TTN: variants seen among roughly 807,000 people sequenced by gnomAD.
TTN encodes titin, also known as connectin.
Under a neutral mutation model 3,223.0 loss-of-function variants are expected in TTN, and 1,525 were observed. That is an observed-to-expected ratio of 0.47 (90% CI 0.45 to 0.49). The LOEUF (loss-of-function observed/expected upper bound fraction) is 0.49. Ranked by LOEUF, TTN falls within the 20% of genes least tolerant of loss-of-function variation. The pLI is 0.00. For synonymous variants in TTN, 14,094 were observed against 15,161.0 expected (o/e 0.93, Z 5.17); for missense variants, 40,786 against 43,424.0 (o/e 0.94, Z 5.40).
chr2:178,751,195 T>G lies in TTN; in HGVS notation c.11311+1929A>C, dbSNP rs1378473115. The G allele has an allele frequency of 6.2e-6, 10 of 1,610,626 alleles. No homozygotes were observed. The South Asian group carries it at 6.6e-5, about 11-fold the overall frequency. On this transcript the variant is annotated intron_variant, in intron 47 of 362. Transcript: ENST00000589042. Reference sequence around the variant, plus strand: ...AGAACAGAATATCTTTATCACTAGCTTCACTTCTCAAAGTTCTTGAGCTTA... The same window carrying G: ...AGAACAGAATATCTTTATCACTAGCGTCACTTCTCAAAGTTCTTGAGCTTA...
In TTN at chr2:178,625,396, C is replaced by T. The variant is rs775225695; in HGVS notation, c.44425G>A (p.Val14809Met). Reference sequence around the variant, plus strand: ...ACTTTTCCTTCTGAACGTGGGACCACCTAGTTGTTTTTAAAAAAAGAATAC... The same window carrying T: ...ACTTTTCCTTCTGAACGTGGGACCATCTAGTTGTTTTTAAAAAAAGAATAC... ...KGKKLEPSDK[V>M]VPRSEGKVHT... The change falls in exon 241 of 363, where the codon GTG becomes ATG. Residue 14809 changes from valine to methionine, a missense_variant and splice_region_variant. Coordinates refer to ENST00000589042, the MANE Select transcript of TTN (RefSeq NM_001267550.2). 10 of 1,546,820 alleles carry T rather than the reference C, an allele frequency of 6.5e-6. No homozygotes were observed. Among genetic ancestry groups the T allele is most frequent in the Non-Finnish European group, 6.9e-6 (8 of 1,155,318 alleles).
At position 178,608,319 on chromosome 2, in the gene TTN, T is replaced by C; in HGVS notation, c.52564A>G (p.Ser17522Gly). The C allele has an allele frequency of 6.2e-7, 1 of 1,612,476 alleles. No individual in the cohort carries two copies. Among genetic ancestry groups the C allele is most frequent in the East Asian group, 2.2e-5 (1 of 44,564 alleles). Residue 17522 changes from serine to glycine, a missense_variant, in exon 275 of 363, where the codon AGC becomes GGC. Physicochemically the swap from Ser to Gly is moderately conservative, Grantham distance 56. Coordinates refer to ENST00000589042, the MANE Select transcript of TTN (RefSeq NM_001267550.2). ...TTGGCTTTCAAGGCATTCAGAAGGCTTTTGTTGACACGAGACCAATGTGTA... is the reference window on the plus strand; with the variant it reads ...TTGGCTTTCAAGGCATTCAGAAGGCCTTTGTTGACACGAGACCAATGTGTA... ...NSTHWSRVNK[S>G]LLNALKANVD...
At chr2:178,541,015 T>C in intron 350 of TTN, 1 of 306,740 alleles carries the variant, frequency 3.3e-6, no homozygotes, top group Admixed American at 4.7e-5. Flanking sequence ...ATGAATCTCA[T>C]CTTAAAGAAG....
In TTN at chr2:178,633,634, G is replaced by C. The variant is rs769564228; in HGVS notation, c.42725C>G (p.Ala14242Gly). 5 of 1,612,814 alleles carry C rather than the reference G, an allele frequency of 3.1e-6. No individual in the cohort carries two copies. The highest frequency in any genetic ancestry group is 4.2e-6 in the Non-Finnish European group (5 of 1,179,498). The change falls in exon 232 of 363, where the codon GCA becomes GGA. Residue 14242 changes from alanine (A) to glycine (G), a missense_variant. Transcript: ENST00000589042. Reference protein sequence around the residue: ...YFTVKLHDKTAVEKDEITLKC... With the variant: ...YFTVKLHDKTGVEKDEITLKC... ...CAAAGTAATCTCATCCTTCTCCACT[G>C]CAGTTTTGTCATGTAATTTCACAGT...
chr2:178,632,070 A>C, intron 236 of TTN, 77 bp downstream of exon 236: 1 of 1,423,406 alleles, frequency 7.0e-7, no homozygotes, highest in African/African-American at 1.4e-5. Context: ...CACTTAGAAG[A>C]CTATTTTATA....
rs543686186 is a variant in TTN at position 178,587,902 on chromosome 2, G to C, written c.63505C>G (p.Leu21169Val). 3.1e-6 allele frequency: 5 copies of C among 1,588,946 alleles called. No individual in the cohort carries two copies. Among genetic ancestry groups the C allele is most frequent in the Non-Finnish European group, 3.4e-6 (4 of 1,165,338 alleles). The change falls in exon 305 of 363, where the codon CTA becomes GTA. Residue 21169 changes from leucine to valine, a missense_variant. Coordinates refer to ENST00000589042, the MANE Select transcript of TTN (RefSeq NM_001267550.2). ...ACATGCTAAGGGAAGGACTTACCTA[G>C]TATTTCTTTAGGTTTGATAGCTTCC... is the stretch of plus-strand genomic sequence containing the variant. The part of the protein sequence containing the change: ...LKEAIKPKEI[L>V]EPPEIDLDAS...
At chr2:178,694,726 C>T in intron 116 of TTN, 50 bp from the exon 117 acceptor site, 1 of 1,511,648 alleles carries the variant, frequency 6.6e-7, no homozygotes, top group Non-Finnish European at 8.9e-7. Context: ...TATTGCTTTG[C>T]ACAAAATTTA....
chr2:178,559,177 G>C, intron 326 of TTN, 134 bp downstream of exon 326: 2 of 762,194 alleles, frequency 2.6e-6, no homozygotes, highest in Non-Finnish European at 4.1e-6. Context: ...TTGTGCCATA[G>C]TATGAATAGT....
chr2:178,717,867 T>C (rs2077732336), intron 86 of TTN, 57 bp from the exon 87 acceptor site: 2 of 1,573,736 alleles, frequency 1.3e-6, no homozygotes, highest in African/African-American at 1.4e-5. Flanking sequence ...CCACAACATA[T>C]TTCAATTCAT....
In TTN at chr2:178,702,223, C is replaced by G. The variant is rs764333790; in HGVS notation, c.30456G>C (p.Arg10152=). Residue 10152 remains arginine (R), a synonymous_variant, in exon 108 of 363, where the codon CGG becomes CGC. Transcript: ENST00000589042. ...TTCTTGCTTCACCTCTTGGCTCCAGCCGAGCGATGACCGAGTAGACACCTA... is the reference window on the plus strand; with the variant it reads ...TTCTTGCTTCACCTCTTGGCTCCAGGCGAGCGATGACCGAGTAGACACCTA... ...DDEGVYSVIA[R]LEPRGEARST... The G allele has an allele frequency of 1.9e-6, 3 of 1,613,816 alleles. 1 individual carries two copies. The highest frequency in any genetic ancestry group is 2.5e-6 in the Non-Finnish European group (3 of 1,179,902).
intron 263 of TTN, among the ~76,000 whole-genome samples, chr2:178,613,520 A>G (rs1191868547): frequency 6.6e-6 from 1 of 151,970 alleles, no homozygotes; most frequent in Non-Finnish European, 1.5e-5. Flanking sequence ...ATACTGGGGG[A>G]TCAAACACTT....
chr2:178,716,200 A>C (rs2077460175), intron 88 of TTN, among the ~76,000 whole-genome samples: 2 of 152,162 alleles, frequency 1.3e-5, no homozygotes, highest in South Asian at 4.1e-4. Context: ...GTTACATAGC[A>C]TGAAGAGCCG....
chr2:178,805,343 C>CAAA (rs34870064), intron 1 of TTN, among the ~76,000 whole-genome samples: 4 of 89,790 alleles, frequency 4.5e-5, no homozygotes, highest in South Asian at 3.8e-4. Context: ...GACTCTGTCT[C>CAAA]AAAAAAAAAA....
rs181679744 is a variant in TTN, at chr2:178,532,251, G to A, written c.104364C>T (p.Ser34788=). The stretch of plus-strand genomic sequence containing the variant: ...CCTCCTTTGACATGAAGTCAAGTTC[G>A]CTTTTGTATTCTGAGAGATGCTGGG... ...TTTQHLSEYK[S]ELDFMSKEEK... The change falls in exon 358 of 363, where the codon AGC becomes AGT. Residue 34788 remains serine (S), a synonymous_variant. Coordinates refer to ENST00000589042, the MANE Select transcript of TTN (RefSeq NM_001267550.2). 156 of 1,613,588 alleles carry A rather than the reference G, an allele frequency of 9.7e-5. No homozygotes were observed. Among genetic ancestry groups the A allele is most frequent in the Non-Finnish European group, 1.2e-4 (142 of 1,179,864 alleles).
intron 47 of TTN, chr2:178,744,894 G>T (rs998618167): frequency 5.1e-6 from 5 of 985,022 alleles, no homozygotes; most frequent in Admixed American, 1.2e-4. Context: ...ATGTCTAGGT[G>T]AACCCTGCCC....
At chr2:178,750,185 G>T (rs2085015080) in intron 47 of TTN, 1 of 1,613,200 alleles carries the variant, frequency 6.2e-7, no homozygotes, top group East Asian at 2.2e-5. Context: ...TTGACTCATA[G>T]ATGGATGGGC....
rs561557554 is a variant in TTN, at chr2:178,730,979, C to G, written c.17686G>C (p.Glu5896Gln). The stretch of plus-strand genomic sequence containing the variant: ...CTCCTCCCAACATCATTTTGGACCT[C>G]GAAAGTATATTCTCCACTATCTTTC... ...EKKDSGEYTF[E>Q]VQNDVGRSSC... Residue 5896 changes from glutamate (E) to glutamine (Q), a missense_variant, in exon 60 of 363, where the codon GAG (glutamate) becomes CAG (glutamine). Transcript: ENST00000589042. 2.5e-6 allele frequency: 4 copies of G among 1,612,568 alleles called. No individual in the cohort carries two copies. Among genetic ancestry groups the G allele is most frequent in the Non-Finnish European group, 3.4e-6 (4 of 1,179,106 alleles).
At position 178,618,265 on chromosome 2, in the gene TTN, AC is replaced by A; in HGVS notation, c.47192del (p.Arg15731LeufsTer2). On this transcript the variant is annotated frameshift_variant, in exon 252 of 363. Transcript: ENST00000589042. LOFTEE classifies it high-confidence loss of function. ...TGCCAACTCTGTTTCTTGCACTCAC[AC>A]GGAATAGGTACTCAACTCCTCCTTT... Reference protein sequence around the residue: ...LQKGGVEYLFRVSARNRVGTG... With the variant: ...LQKGGVEYLFXVSARNRVGTG... 1.2e-6 allele frequency: 2 copies of A among 1,612,838 alleles called. No individual in the cohort carries two copies. Among genetic ancestry groups the A allele is most frequent in the Non-Finnish European group, 1.7e-6 (2 of 1,179,194 alleles).
At position 178,594,602 on chromosome 2, in the gene TTN, T is replaced by G. The variant is rs781725039; in HGVS notation, c.57892A>C (p.Lys19298Gln). ...PEDLEVKEVT[K>Q]NTVTLTWNPP... ...TTCCAAGTCAAAGTTACAGTATTTT[T>G]AGTAACTTCTTTGACTTCCAGGTCT... is the stretch of plus-strand genomic sequence containing the variant. Residue 19298 changes from lysine (K) to glutamine (Q), a missense_variant, in exon 296 of 363, where the codon AAA (lysine) becomes CAA (glutamine). Physicochemically the swap from Lys to Gln is moderately conservative, Grantham distance 53 (BLOSUM62 1). Transcript: ENST00000589042. The G allele has an allele frequency of 1.4e-5, 22 of 1,612,290 alleles. No homozygotes were observed. The East Asian group carries it at 4.9e-4, about 36-fold the overall frequency.
Sources: gnomAD v4.1 joint callset for allele counts (sites outside exome capture counted in the v4.1 genomes callset) on GRCh38, gnomAD v4.1.1 for gene constraint, MANE v1.5 for transcripts, NCBI Gene and HGNC (gene_info 2026-07-23, HGNC 2026-07-21) for gene names.